The following WIPF1 variants were observed in gnomAD, a reference collection of about 807,000 sequenced individuals.
WIPF1 encodes WAS/WASL interacting protein family member 1.
In WIPF1, 13 loss-of-function variants were observed where a neutral mutation model predicts 35.4. That is an observed-to-expected ratio of 0.37 (90% CI 0.24 to 0.58). The LOEUF is 0.58. WIPF1 is among the 20% of genes least tolerant of loss of function. WIPF1 has a pLI of 0.74. For missense variants in WIPF1, 591 were observed against 667.0 expected, an observed-to-expected ratio of 0.89 and a Z score of 1.25; for synonymous variants, 267 against 266.3, an observed-to-expected ratio of 1.00 and a Z score of -0.02.
rs150424265 is a variant in WIPF1 at position 174,583,924 on chromosome 2, A to G, written c.51+1599T>C. ...AGCCTTGACCTCCTGGGCTCAAACA[A>G]TCCTCCCATCTCTGCCTCCAGAGTA... On this transcript the variant is annotated intron_variant, in intron 2 of 7. Transcript: ENST00000679041. 4.8e-3 allele frequency among the ~76,000 whole-genome samples: 730 copies of G among 152,162 alleles called. 7 individuals are homozygous for G. The highest frequency in any genetic ancestry group is 0.017 in the African/African-American group (704 of 41,496).
intron 1 of WIPF1, among the ~76,000 whole-genome samples, chr2:174,645,217 T>C (rs1687382377): frequency 6.6e-6 from 1 of 152,238 alleles, no homozygotes; most frequent in Non-Finnish European, 1.5e-5. Context: ...TTAAATATTA[T>C]ATGTAATTAT....
At chr2:174,623,147 A>G (rs375308944) in intron 1 of WIPF1, among the ~76,000 whole-genome samples, 5 of 152,196 alleles carry the variant, frequency 3.3e-5, no homozygotes, top group East Asian at 3.8e-4. Flanking sequence ...ACATATAAAC[A>G]ATATTAAAAG....
intron 1 of WIPF1, among the ~76,000 whole-genome samples, chr2:174,678,712 A>G (rs1052128393): frequency 6.6e-6 from 1 of 152,260 alleles, no homozygotes; most frequent in Non-Finnish European, 1.5e-5. Flanking sequence ...AGGGCCAGGA[A>G]AAGTGACAAG....
chr2:174,588,705 A>C (rs1685509293), intron 1 of WIPF1, among the ~76,000 whole-genome samples: 1 of 152,210 alleles, frequency 6.6e-6, no homozygotes, highest in Non-Finnish European at 1.5e-5. Context: ...GATTGCAGAA[A>C]TTAGCAGGCA....
At chr2:174,585,660 C>G in intron 1 of WIPF1, 49 bp from the exon 2 acceptor site, 1 of 1,285,218 alleles carries the variant, frequency 7.8e-7, no homozygotes, top group Non-Finnish European at 1.1e-6. Flanking sequence ...CTTAGTAATA[C>G]TGTCCTAATC....
intron 1 of WIPF1, among the ~76,000 whole-genome samples, chr2:174,640,522 C>A (rs1210554662): frequency 6.6e-6 from 1 of 150,872 alleles, no homozygotes. Context: ...AAAAAAAAAA[C>A]TTTGATGAAA....
intron 1 of WIPF1, among the ~76,000 whole-genome samples, chr2:174,665,859 T>C (rs1308425462): frequency 1.3e-5 from 2 of 152,252 alleles, no homozygotes; most frequent in Non-Finnish European, 2.9e-5. Flanking sequence ...AGATACTGCA[T>C]GCAGACACCG....
chr2:174,614,583 G>A (rs1292809054), intron 1 of WIPF1, among the ~76,000 whole-genome samples: 4 of 152,174 alleles, frequency 2.6e-5, no homozygotes, highest in South Asian at 2.1e-4. Context: ...GCATTCTGAC[G>A]TGAAAGGTAC....
At chr2:174,639,306 A>T (rs997101415) in intron 1 of WIPF1, among the ~76,000 whole-genome samples, 1 of 152,082 alleles carries the variant, frequency 6.6e-6, no homozygotes, top group African/African-American at 2.4e-5. Flanking sequence ...CCCAGGATGG[A>T]GTCTTGTGGC....
intron 1 of WIPF1, among the ~76,000 whole-genome samples, chr2:174,661,118 G>A (rs1316354841): frequency 2.6e-5 from 4 of 152,218 alleles, no homozygotes; most frequent in African/African-American, 9.7e-5. Flanking sequence ...GTTGGTGCTG[G>A]GGCTGCAGAA....
At chr2:174,624,746 G>C (rs1352703113) in intron 1 of WIPF1, among the ~76,000 whole-genome samples, 1 of 152,218 alleles carries the variant, frequency 6.6e-6, no homozygotes, top group Non-Finnish European at 1.5e-5. Context: ...TTCTGGGGGT[G>C]TGCTCAGGGG....
At position 174,650,009 on chromosome 2, in the gene WIPF1, C is replaced by G. The variant is rs572815803; in HGVS notation, c.-39+32765G>C. Among the ~76,000 whole-genome samples the G allele has an allele frequency of 1.8e-4, 28 of 152,258 alleles. No individual in the cohort carries two copies. In the South Asian group the frequency reaches 4.8e-3, roughly 26 times the overall value. The stretch of plus-strand genomic sequence containing the variant: ...CTAAATCACCCTTCTTTCTGAGTAG[C>G]CCCTCCAGTGTGTCAGTTCTCCTTA... On this transcript the variant is annotated intron_variant, in intron 1 of 8. Transcript: ENST00000272746.
At chr2:174,627,443 TCTTTC>T (rs1358646355) in intron 1 of WIPF1, among the ~76,000 whole-genome samples, 7 of 151,766 alleles carry the variant, frequency 4.6e-5, no homozygotes, top group African/African-American at 1.4e-4. Flanking sequence ...CCTTTCTCTT[TCTTTC>T]CTTTCTTTCT....
At chr2:174,634,762 G>A (rs979296302) in intron 1 of WIPF1, among the ~76,000 whole-genome samples, 8 of 152,190 alleles carry the variant, frequency 5.3e-5, no homozygotes, top group Non-Finnish European at 1.0e-4. Flanking sequence ...CAGGACACAG[G>A]TAAAGAGGAG....
chr2:174,638,852 CG>C (rs1412891002), intron 1 of WIPF1, among the ~76,000 whole-genome samples: 1 of 152,124 alleles, frequency 6.6e-6, no homozygotes, highest in African/African-American at 2.4e-5. Flanking sequence ...ACACGGAGGG[CG>C]GATAACTCTT....
At chr2:174,642,343 C>CTTTTTTTT (rs780884199) in intron 1 of WIPF1, among the ~76,000 whole-genome samples, 8 of 102,802 alleles carry the variant, frequency 7.8e-5, no homozygotes, top group Admixed American at 2.5e-4. Context: ...CTTCCTCCAC[C>CTTTTTTTT]TTTTTTTTTT....
intron 1 of WIPF1, among the ~76,000 whole-genome samples, chr2:174,589,358 G>T (rs1034918996): frequency 6.6e-6 from 1 of 152,246 alleles, no homozygotes; most frequent in African/African-American, 2.4e-5. Context: ...CTGGGCAAAA[G>T]AATCAGCCCT....
chr2:174,626,503 G>C (rs777156482), intron 1 of WIPF1, among the ~76,000 whole-genome samples: 11 of 152,156 alleles, frequency 7.2e-5, no homozygotes, highest in Non-Finnish European at 1.3e-4. Flanking sequence ...TTGGCTGTCT[G>C]TCTCATAGAC....
chr2:174,663,738 G>A (rs1490374319), intron 1 of WIPF1, among the ~76,000 whole-genome samples: 1 of 152,202 alleles, frequency 6.6e-6, no homozygotes, highest in Non-Finnish European at 1.5e-5. Flanking sequence ...CCACCACCAA[G>A]CTCTTCTGTT....
Sources: allele counts gnomAD v4.1 joint callset (sites outside exome capture counted in the v4.1 genomes callset), GRCh38; gene constraint gnomAD v4.1.1; transcripts MANE v1.5; gene names NCBI Gene and HGNC (gene_info 2026-07-23, HGNC 2026-07-21).